TMEM260: variants seen among roughly 807,000 people sequenced by gnomAD.
TMEM260 encodes the protein protein O-mannosyl-transferase TMEM260.
In TMEM260, 82 loss-of-function variants were observed where a neutral mutation model predicts 88.9. The ratio of observed to expected loss-of-function variants is 0.92; its 90% CI spans 0.77 to 1.11. The LOEUF (loss-of-function observed/expected upper bound fraction) is 1.11, where lower values mean the gene tolerates loss of function less well. TMEM260 is among the 50% of genes least tolerant of loss of function. TMEM260 has a pLI of 0.00. For synonymous variants in TMEM260, 314 were observed against 309.3 expected (o/e 1.02, Z -0.16); for missense variants, 902 against 853.4 (o/e 1.06, Z -0.71).
rs10594077 is a variant in TMEM260, at chr14:56,583,990, T to TTGTGTGTG, written c.161-981_161-974dup. Among the ~76,000 whole-genome samples, 171 of 145,940 alleles carry TTGTGTGTG rather than the reference T, an allele frequency of 1.2e-3. 4 individuals carry two copies. In the East Asian group the frequency reaches 0.027, roughly 23 times the overall value. The stretch of plus-strand genomic sequence containing the variant: ...TAGACTAGGGATGCAATCCAGCCTT[T>TTGTGTGTG]TGTGTGTGTGTGTGTGTGTGTGTGT... On this transcript the variant is annotated intron_variant, in intron 1 of 15. Transcript: ENST00000261556.
chr14:56,581,011 A>G (rs1297150507), intron 1 of TMEM260, among the ~76,000 whole-genome samples: 1 of 152,174 alleles, frequency 6.6e-6, no homozygotes, highest in African/African-American at 2.4e-5. Flanking sequence ...GTACTCAGAA[A>G]AAGGTTGCTG....
intron 15 of TMEM260, among the ~76,000 whole-genome samples, chr14:56,640,863 T>C (rs1889535972): frequency 6.6e-6 from 1 of 152,100 alleles, no homozygotes; most frequent in Non-Finnish European, 1.5e-5. Context: ...CAAGCCTCAG[T>C]AGCCAATGCG....
chr14:56,609,698 T>C (rs1887133538), intron 6 of TMEM260, among the ~76,000 whole-genome samples: 1 of 152,196 alleles, frequency 6.6e-6, no homozygotes, highest in Non-Finnish European at 1.5e-5. Flanking sequence ...ATTTATTTTT[T>C]ACATATTTCA....
chr14:56,614,922 T>G (rs553940928), intron 7 of TMEM260, among the ~76,000 whole-genome samples: 28 of 152,312 alleles, frequency 1.8e-4, no homozygotes, highest in African/African-American at 6.7e-4. Flanking sequence ...GCAAATTAAA[T>G]TTTTTCCCCA....
In TMEM260 at chr14:56,621,689, T is replaced by G; in HGVS notation, c.1385T>G (p.Leu462Ter). 6.2e-7 allele frequency: 1 copy of G among 1,608,782 alleles called. No homozygotes were observed. The highest frequency in any genetic ancestry group is 8.5e-7 in the Non-Finnish European group (1 of 1,178,406). The change falls in exon 11 of 16, where the codon TTA (leucine) becomes TGA (stop). Residue 462 changes from leucine (L) to a stop codon, truncating the protein, a stop_gained. Coordinates refer to ENST00000261556, the MANE Select transcript of TMEM260 (RefSeq NM_017799.4). LOFTEE classifies it high-confidence loss of function. ...GAGGGGTTGAGGCCTGACATTTCAT[T>G]AGTGGATCAGGAAGTAAGTATATGA... Reference protein sequence around the residue: ...YCEGLRPDISLVDQEMMTYEW... With the variant: ...YCEGLRPDIS
At position 56,605,634 on chromosome 14, in the gene TMEM260, A is replaced by G. The variant is rs762594468; in HGVS notation, c.587A>G (p.Tyr196Cys). 1.3e-6 allele frequency: 2 copies of G among 1,596,420 alleles called. No individual in the cohort carries two copies. Among genetic ancestry groups the G allele is most frequent in the Admixed American group, 1.8e-5 (1 of 57,100 alleles). ...TGTAACCAGCACACAATAATACTCT[A>G]TGTTTTGTGCATAATACCTTGGATT... ...SLCNQHTIIL[Y>C]VLCIIPWILF... Residue 196 changes from tyrosine to cysteine, a missense_variant, in exon 5 of 16, where the codon TAT becomes TGT. By Grantham distance (194) the Tyr-to-Cys change is radical. Transcript: ENST00000261556.
chr14:56,653,218 TAA>T (rs931732243), downstream of TMEM260, among the ~76,000 whole-genome samples: 2 of 151,332 alleles, frequency 1.3e-5, no homozygotes, highest in African/African-American at 4.9e-5. Flanking sequence ...AAATAAAAAA[TAA>T]AAAAATACCA....
chr14:56,591,964 A>G (rs1033983981), intron 3 of TMEM260, among the ~76,000 whole-genome samples: 1 of 152,218 alleles, frequency 6.6e-6, no homozygotes, highest in African/African-American at 2.4e-5. Flanking sequence ...AGCTATTCCT[A>G]ACCTTACTCC....
At chr14:56,585,159 G>A (rs1192533478) in intron 2 of TMEM260, 127 bp downstream of exon 2, 1 of 766,302 alleles carries the variant, frequency 1.3e-6, no homozygotes, top group Non-Finnish European at 2.1e-6. Context: ...TAACTTATAA[G>A]TACAGTACGT....
At chr14:56,596,592 C>T (rs1354808735) in intron 3 of TMEM260, among the ~76,000 whole-genome samples, 6 of 150,152 alleles carry the variant, frequency 4.0e-5, no homozygotes, top group Admixed American at 6.6e-5. Context: ...GGAGAAACCC[C>T]GTCTCTACTA....
rs143229882 is a variant in TMEM260 at position 56,609,302 on chromosome 14, A to T, written c.816+17A>T. 6.2e-7 allele frequency: 1 copy of T among 1,611,146 alleles called. No homozygotes were observed. Among genetic ancestry groups the T allele is most frequent in the Non-Finnish European group, 8.5e-7 (1 of 1,177,830 alleles). ...TTCAGCCTGGTAAATTCAGATTTAA[A>T]GCCCTTCTAAGGAAACAAGTGGCAA... On this transcript the variant is annotated intron_variant, in intron 6 of 15. Coordinates refer to ENST00000261556, the MANE Select transcript of TMEM260 (RefSeq NM_017799.4).
chr14:56,604,576 T>C lies in TMEM260; in HGVS notation c.522+584T>C, dbSNP rs140417395. Among the ~76,000 whole-genome samples, 11 of 151,992 alleles carry C rather than the reference T, an allele frequency of 7.2e-5. No homozygotes were observed. In the East Asian group the frequency reaches 2.1e-3, roughly 29 times the overall value. On this transcript the variant is annotated intron_variant, in intron 4 of 15. Coordinates refer to ENST00000261556, the MANE Select transcript of TMEM260 (RefSeq NM_017799.4). ...TCATCTTAGTATAGGCAGCTTTGTG[T>C]TGTTAAAGAGTGTAGAAACAAAAGA...
chr14:56,609,992 G>A lies in TMEM260; in HGVS notation c.816+707G>A, dbSNP rs1042774577. 1.1e-4 allele frequency among the ~76,000 whole-genome samples: 16 copies of A among 152,232 alleles called. No homozygotes were observed. In the South Asian group the frequency reaches 2.5e-3, roughly 24 times the overall value. On this transcript the variant is annotated intron_variant, in intron 6 of 15. Coordinates refer to ENST00000261556, the MANE Select transcript of TMEM260 (RefSeq NM_017799.4). ...ACTTAAGAAGGCAAGTCTCAGAAGAGTATGTAGTATATAATACCACTTATA... is the reference window on the plus strand; with the variant it reads ...ACTTAAGAAGGCAAGTCTCAGAAGAATATGTAGTATATAATACCACTTATA...
At chr14:56,653,736 C>CAAAAAAAAAA (rs10522889), downstream of TMEM260, among the ~76,000 whole-genome samples, 6 of 66,608 alleles carry the variant, frequency 9.0e-5, 1 homozygote, top group Non-Finnish European at 1.3e-4. Context: ...CTCTTGTCTC[C>CAAAAAAAAAA]AAAACAAAAA....
Position 56,621,656 on chromosome 14 carries a change from A to C in TMEM260, c.1352A>C (p.His451Pro). The change falls in exon 11 of 16, where the codon CAT (histidine) becomes CCT (proline). Residue 451 changes from histidine (H) to proline (P), a missense_variant. By Grantham distance (77) the His-to-Pro change is moderately conservative. Transcript: ENST00000261556. ...CCAGGAAATTCTCTCCGTTACATGCATTACTGTGAGGGGTTGAGGCCTGAC... is the reference window on the plus strand; with the variant it reads ...CCAGGAAATTCTCTCCGTTACATGCCTTACTGTGAGGGGTTGAGGCCTGAC... ...DLPGNSLRYM[H>P]YCEGLRPDIS... 1 of 1,613,286 alleles carries C rather than the reference A, an allele frequency of 6.2e-7. No homozygotes were observed. The highest frequency in any genetic ancestry group is 8.5e-7 in the Non-Finnish European group (1 of 1,179,634).
the TMEM260 span, among the ~76,000 whole-genome samples, chr14:56,662,563 A>G: frequency 2.0e-5 from 3 of 152,200 alleles, no homozygotes; most frequent in South Asian, 4.1e-4. Flanking sequence ...CCCTGTGCCC[A>G]CTAGAATCCA....
intron 3 of TMEM260, among the ~76,000 whole-genome samples, chr14:56,588,487 A>AT (rs1287138684): frequency 7.2e-5 from 11 of 152,124 alleles, no homozygotes; most frequent in African/African-American, 2.6e-4. Context: ...TCCAATTACT[A>AT]TGTAATTTTT....
chr14:56,620,084 G>A (rs1402896009), intron 10 of TMEM260, among the ~76,000 whole-genome samples: 1 of 152,126 alleles, frequency 6.6e-6, no homozygotes, highest in Admixed American at 6.5e-5. Flanking sequence ...GGAGCTAAAC[G>A]ATGAGAACTC....
At chr14:56,644,993 A>G (rs1488626724) in intron 15 of TMEM260, among the ~76,000 whole-genome samples, 4 of 151,798 alleles carry the variant, frequency 2.6e-5, no homozygotes, top group Non-Finnish European at 4.4e-5. Flanking sequence ...GTCAGGAAAC[A>G]ACAGGTGCTG....
Sources: allele counts gnomAD v4.1 joint callset (sites outside exome capture counted in the v4.1 genomes callset), GRCh38; gene constraint gnomAD v4.1.1; transcripts MANE v1.5; gene names NCBI Gene and HGNC (gene_info 2026-07-23, HGNC 2026-07-21).